TAF4: variants seen among roughly 807,000 people sequenced by gnomAD.
TAF4 encodes TATA-box binding protein associated factor 4.
In TAF4, 9 loss-of-function variants were observed where a neutral mutation model predicts 90.3. The ratio of observed to expected loss-of-function variants is 0.10; its 90% CI spans 0.06 to 0.17. TAF4 has a LOEUF of 0.17. Ranked by LOEUF, TAF4 falls within the 10% of genes least tolerant of loss-of-function variation. TAF4 has a pLI of 1.00. For synonymous variants in TAF4, 818 were observed against 638.9 expected (o/e 1.28, Z -4.23); for missense variants, 1,351 against 1,370.7 (o/e 0.99, Z 0.23).
At chr20:62,016,077 G>T (rs762863792) in intron 1 of TAF4, among the ~76,000 whole-genome samples, 1 of 152,198 alleles carries the variant, frequency 6.6e-6, no homozygotes, top group Non-Finnish European at 1.5e-5. Flanking sequence ...CTCCGTCTCC[G>T]AGTCTGTGCC....
At chr20:62,013,309 C>T (rs2055790632) in intron 2 of TAF4, among the ~76,000 whole-genome samples, 1 of 152,206 alleles carries the variant, frequency 6.6e-6, no homozygotes, top group Non-Finnish European at 1.5e-5. Flanking sequence ...GAGGTGGCCG[C>T]CCCTAGGCTA....
At chr20:62,014,437 C>T (rs2055801455) in intron 2 of TAF4, 110 bp downstream of exon 2, 1 of 1,368,946 alleles carries the variant, frequency 7.3e-7, no homozygotes, top group Non-Finnish European at 9.6e-7. Context: ...CCACACTTCC[C>T]AGTCCTCACT....
chr20:62,058,988 G>A (rs1220364194), intron 1 of TAF4, among the ~76,000 whole-genome samples: 5 of 25,780 alleles, frequency 1.9e-4, no homozygotes, highest in East Asian at 6.6e-4. Context: ...AATGGGGCTC[G>A]GGGGGCCAAC....
intron 8 of TAF4, 120 bp downstream of exon 8, chr20:62,003,611 A>G: frequency 8.5e-7 from 1 of 1,177,898 alleles, no homozygotes; most frequent in Non-Finnish European, 1.2e-6. Flanking sequence ...TGAACTAGAT[A>G]CTTAAAATGG....
At chr20:61,985,196 T>TA (rs1253669695) in intron 14 of TAF4, among the ~76,000 whole-genome samples, 1 of 151,808 alleles carries the variant, frequency 6.6e-6, no homozygotes, top group Non-Finnish European at 1.5e-5. Context: ...CAGTAACCAC[T>TA]AAACCCGAGC....
At chr20:62,061,401 C>T (rs1461371492) in intron 1 of TAF4, among the ~76,000 whole-genome samples, 1 of 152,226 alleles carries the variant, frequency 6.6e-6, no homozygotes, top group Non-Finnish European at 1.5e-5. Flanking sequence ...GATCAAGGCC[C>T]ATGGTGAGAA....
At chr20:62,050,001 G>A (rs2056017364) in intron 1 of TAF4, among the ~76,000 whole-genome samples, 1 of 152,150 alleles carries the variant, frequency 6.6e-6, no homozygotes, top group Admixed American at 6.6e-5. Context: ...CCCCAAGGCA[G>A]GGAGTCAGCC....
At position 62,064,761 on chromosome 20, in the gene TAF4, C is replaced by A; in HGVS notation, c.1050G>T (p.Val350=). The part of the protein sequence containing the change: ...PGVKAESPKR[V]VQAAPPAAQT... ...GCGCCGCCGGGGGCGCCGCCTGCAC[C>A]ACCCTCTTGGGCGACTCGGCCTTGA... The change falls in exon 1 of 15, where the codon GTG becomes GTT. Residue 350 remains valine, a synonymous_variant. Transcript: ENST00000252996. 8.7e-7 allele frequency: 1 copy of A among 1,155,080 alleles called. No individual in the cohort carries two copies. The highest frequency in any genetic ancestry group is 1.1e-6 in the Non-Finnish European group (1 of 942,182). The allele number at this position is 1,155,080 out of a possible 1,614,324, so 71.6% of individuals were successfully genotyped here.
chr20:62,051,756 T>A (rs1374093764), intron 1 of TAF4, among the ~76,000 whole-genome samples: 2 of 152,182 alleles, frequency 1.3e-5, no homozygotes, highest in Non-Finnish European at 2.9e-5. Flanking sequence ...AGGTGGCCTG[T>A]GGCCCTCAAC....
At chr20:62,045,870 T>C (rs565265829) in intron 1 of TAF4, among the ~76,000 whole-genome samples, 3 of 152,342 alleles carry the variant, frequency 2.0e-5, no homozygotes, top group African/African-American at 7.2e-5. Flanking sequence ...ACACAGCTCC[T>C]CATTTGTGTC....
At chr20:61,982,596 G>C (rs2055556274) in intron 14 of TAF4, among the ~76,000 whole-genome samples, 1 of 121,714 alleles carries the variant, frequency 8.2e-6, no homozygotes, top group Non-Finnish European at 1.7e-5. Context: ...CCCCACCCGA[G>C]AGGAGACACC....
rs562486699 is a variant in TAF4 at position 62,016,346 on chromosome 20, C to T, written c.1361-1639G>A. 4.6e-5 allele frequency among the ~76,000 whole-genome samples: 7 copies of T among 152,338 alleles called. No homozygotes were observed. In the East Asian group the frequency reaches 7.7e-4, roughly 17 times the overall value. ...CAAAGAAGGTTAACATTTGAGTCAG[C>T]GGACTGGAAGAGGCAGACCCAGCGT... On this transcript the variant is annotated intron_variant, in intron 1 of 14. Coordinates refer to ENST00000252996, the MANE Select transcript of TAF4 (RefSeq NM_003185.4).
chr20:61,996,975 G>A (rs899571140), intron 14 of TAF4, among the ~76,000 whole-genome samples: 1 of 152,006 alleles, frequency 6.6e-6, no homozygotes, highest in Non-Finnish European at 1.5e-5. Context: ...TACCGGAGAT[G>A]GCAAATAAGG....
intron 1 of TAF4, among the ~76,000 whole-genome samples, chr20:62,041,442 A>C (rs2145503053): frequency 6.6e-6 from 1 of 152,232 alleles, no homozygotes; most frequent in South Asian, 2.1e-4. Context: ...ATCCTGGCTA[A>C]CAGGGTGAAA....
At chr20:62,002,522 ACT>A (rs2123129980) in intron 9 of TAF4, among the ~76,000 whole-genome samples, 1 of 152,210 alleles carries the variant, frequency 6.6e-6, no homozygotes, top group African/African-American at 2.4e-5. Context: ...ACAGGGCCTC[ACT>A]CTGTCACCGA....
At chr20:62,021,437 C>T (rs900086034) in intron 1 of TAF4, among the ~76,000 whole-genome samples, 1 of 152,244 alleles carries the variant, frequency 6.6e-6, no homozygotes, top group African/African-American at 2.4e-5. Context: ...ACCCACAGCC[C>T]TTCTAGCTGC....
rs2056112140 is a variant in TAF4, at chr20:62,064,664, G to A, written c.1147C>T (p.Leu383=). The part of the protein sequence containing the change: ...MVIGPTMQGA[L]PSPAAVPPPA... ...GGCGGGACGGCGGCCGGGCTGGGCA[G>A]CGCCCCTTGCATAGTTGGCCCGATG... Residue 383 remains leucine, a synonymous_variant, in exon 1 of 15, where the codon CTG becomes TTG. Transcript: ENST00000252996. 4 of 1,300,622 alleles carry A rather than the reference G, an allele frequency of 3.1e-6. No individual in the cohort carries two copies. The highest frequency in any genetic ancestry group is 1.6e-5 in the African/African-American group (1 of 63,408). The allele number at this position is 1,300,622 out of a possible 1,614,324, so 80.6% of individuals were successfully genotyped here.
intron 1 of TAF4, among the ~76,000 whole-genome samples, chr20:62,028,886 C>G (rs1412425436): frequency 6.6e-6 from 1 of 152,208 alleles, no homozygotes; most frequent in Non-Finnish European, 1.5e-5. Flanking sequence ...CAGGTTAAAA[C>G]TGCTTTGCTC....
At chr20:62,037,674 T>C (rs893482137) in intron 1 of TAF4, 2 of 191,978 alleles carry the variant, frequency 1.0e-5, no homozygotes, top group Non-Finnish European at 2.2e-5. Flanking sequence ...ACATTTTTAA[T>C]TGTGTGCAGC....
Sources: allele counts gnomAD v4.1 joint callset (sites outside exome capture counted in the v4.1 genomes callset), GRCh38; gene constraint gnomAD v4.1.1; transcripts MANE v1.5; gene names NCBI Gene and HGNC (gene_info 2026-07-23, HGNC 2026-07-21).